The following ZNF423 variants were observed in gnomAD, a reference collection of about 807,000 sequenced individuals.
ZNF423 encodes the protein zinc finger protein 423, also known as Ebf-associated zinc finger protein.
Under a neutral mutation model 95.8 loss-of-function variants are expected in ZNF423, and 12 were observed. That is an observed-to-expected ratio of 0.13 (90% CI 0.08 to 0.20). The LOEUF is 0.20. ZNF423 is among the 10% of genes least tolerant of loss of function. The probability of loss-of-function intolerance (pLI) is 1.00; values close to 1 mark genes in which losing one functional copy is unlikely to be tolerated. For synonymous variants in ZNF423, 749 were observed against 711.9 expected, an observed-to-expected ratio of 1.05 and a Z score of -0.83; for missense variants, 1,316 against 1,737.1, an observed-to-expected ratio of 0.76 and a Z score of 4.31.
chr16:49,819,527 A>G (rs956206948), intron 1 of ZNF423, among the ~76,000 whole-genome samples: 2 of 151,874 alleles, frequency 1.3e-5, no homozygotes, highest in African/African-American at 4.8e-5. Context: ...AGCTCACTGC[A>G]ACCTCCGCCT....
chr16:49,628,859 C>T (rs1034819317), intron 4 of ZNF423, among the ~76,000 whole-genome samples: 6 of 152,210 alleles, frequency 3.9e-5, no homozygotes, highest in Non-Finnish European at 8.8e-5. Flanking sequence ...CACAACTAAT[C>T]CCAGATGGTT....
At chr16:49,808,213 T>C (rs1347849041) in intron 1 of ZNF423, among the ~76,000 whole-genome samples, 1 of 151,960 alleles carries the variant, frequency 6.6e-6, no homozygotes, top group Non-Finnish European at 1.5e-5. Context: ...AGATGTGCAC[T>C]ACCACACCTA....
rs966196683 is a variant in ZNF423, at chr16:49,687,036, G to A, written c.301+43735C>T. Among the ~76,000 whole-genome samples the A allele has an allele frequency of 2.0e-5, 3 of 151,888 alleles. 1 individual carries two copies. The highest frequency in any genetic ancestry group is 6.6e-5 in the Admixed American group (1 of 15,258). On this transcript the variant is annotated intron_variant, in intron 3 of 7. Transcript: ENST00000563137. ...AGGGTGTACAGAAGAACCAGATGGC[G>A]ACACCCCCTCCATGTCTGCCACCTC...
intron 1 of ZNF423, among the ~76,000 whole-genome samples, chr16:49,834,640 CT>C: frequency 6.6e-6 from 1 of 152,172 alleles, no homozygotes; most frequent in Admixed American, 6.5e-5. Context: ...CCTGGCAGGG[CT>C]TCCCAGGGGC....
chr16:49,569,234 A>T (rs1377870885), intron 5 of ZNF423, among the ~76,000 whole-genome samples: 2 of 152,186 alleles, frequency 1.3e-5, no homozygotes, highest in Non-Finnish European at 2.9e-5. Context: ...AGCCTGTCCT[A>T]TCACCTCACT....
At chr16:49,749,747 G>A (rs1410039311) in intron 2 of ZNF423, among the ~76,000 whole-genome samples, 1 of 151,064 alleles carries the variant, frequency 6.6e-6, no homozygotes, top group Non-Finnish European at 1.5e-5. Context: ...GAAATCACAC[G>A]GGTCCACAAC....
At chr16:49,617,892 C>T (rs1487172887) in intron 5 of ZNF423, among the ~76,000 whole-genome samples, 1 of 152,164 alleles carries the variant, frequency 6.6e-6, no homozygotes, top group Admixed American at 6.5e-5. Flanking sequence ...ACTTTTCACA[C>T]TGCACCCAAT....
At chr16:49,816,067 C>T (rs973770529) in intron 1 of ZNF423, among the ~76,000 whole-genome samples, 3 of 150,944 alleles carry the variant, frequency 2.0e-5, no homozygotes, top group African/African-American at 7.3e-5. Context: ...TACAAGCGCC[C>T]GCCACTACGC....
At chr16:49,755,386 C>G (rs1345857354) in intron 2 of ZNF423, among the ~76,000 whole-genome samples, 6 of 152,200 alleles carry the variant, frequency 3.9e-5, no homozygotes, top group African/African-American at 1.4e-4. Flanking sequence ...TTCCTCCAAA[C>G]CACCTTAATT....
intron 1 of ZNF423, among the ~76,000 whole-genome samples, chr16:49,815,224 T>C (rs182143470): frequency 5.3e-5 from 8 of 152,240 alleles, no homozygotes; most frequent in Non-Finnish European, 1.2e-4. Flanking sequence ...TTCTTATTAA[T>C]AACACTATTA....
At chr16:49,842,309 G>GAGGGGAGGGGAGGGGAGGGGAGGGA (rs1555489897) in intron 1 of ZNF423, among the ~76,000 whole-genome samples, 1 of 20,380 alleles carries the variant, frequency 4.9e-5, no homozygotes. Context: ...GAGGGGAGGC[G>GAGGGGAGGGGAGGGGAGGGGAGGGA]AGGGAAGGGA....
rs1972764389 is a variant in ZNF423, at chr16:49,637,272, A to G, written c.1904T>C (p.Ile635Thr). 6.2e-7 allele frequency: 1 copy of G among 1,614,020 alleles called. No individual in the cohort carries two copies. The highest frequency in any genetic ancestry group is 1.7e-5 in the Admixed American group (1 of 60,012). Residue 635 changes from isoleucine (I) to threonine (T), a missense_variant, in exon 4 of 8, where the codon ATC becomes ACC. Transcript: ENST00000563137. The surrounding 1 kb of genome is among the most constrained non-coding windows in gnomAD (Gnocchi z 5.6). ...ATTGCAAGGATACTCCCCATTGGAGATGGAGTTGGCGCTTGCTGAGAGCCG... is the reference window on the plus strand; with the variant it reads ...ATTGCAAGGATACTCCCCATTGGAGGTGGAGTTGGCGCTTGCTGAGAGCCG... ...RQRLSASANS[I>T]SNGEYPCNQC...
chr16:49,788,690 A>AG (rs1364853689), intron 2 of ZNF423, among the ~76,000 whole-genome samples: 1 of 152,186 alleles, frequency 6.6e-6, no homozygotes, highest in Non-Finnish European at 1.5e-5. Context: ...TCAGGATCCC[A>AG]GGGCAGGCCT....
chr16:49,627,805 C>G (rs1302090648), intron 4 of ZNF423, among the ~76,000 whole-genome samples: 1 of 147,238 alleles, frequency 6.8e-6, no homozygotes, highest in Non-Finnish European at 1.5e-5. Flanking sequence ...CACCCATCTA[C>G]CCAGTCATCC....
chr16:49,856,654 C>T (rs1179361299), upstream of ZNF423, among the ~76,000 whole-genome samples: 1 of 150,772 alleles, frequency 6.6e-6, no homozygotes, highest in East Asian at 2.0e-4. Context: ...GCTCTCGGAT[C>T]GGCCCGGCGC....
chr16:49,523,558 C>T (rs1269786278), intron 7 of ZNF423, 66 bp downstream of exon 7: 8 of 1,401,160 alleles, frequency 5.7e-6, no homozygotes, highest in Non-Finnish European at 7.1e-6. Context: ...AACCCTGAGA[C>T]CGTCGGTGCT....
At chr16:49,628,255 T>C (rs1972374861) in intron 4 of ZNF423, among the ~76,000 whole-genome samples, 1 of 149,048 alleles carries the variant, frequency 6.7e-6, no homozygotes, top group African/African-American at 2.5e-5. Context: ...CCATACTCCA[T>C]CTACCCATCC....
At chr16:49,677,505 T>G (rs1274018156) in intron 3 of ZNF423, among the ~76,000 whole-genome samples, 1 of 151,642 alleles carries the variant, frequency 6.6e-6, no homozygotes, top group African/African-American at 2.4e-5. Flanking sequence ...GAAAAGAATT[T>G]TGTTGCCAGG....
chr16:49,736,705 G>A (rs2143449242), intron 2 of ZNF423, among the ~76,000 whole-genome samples: 1 of 152,310 alleles, frequency 6.6e-6, no homozygotes, highest in African/African-American at 2.4e-5. Flanking sequence ...TGAAGCAGGA[G>A]GATCGTTTCA....
Sources: gnomAD v4.1 joint callset for allele counts (sites outside exome capture counted in the v4.1 genomes callset) on GRCh38, gnomAD v4.1.1 for gene constraint, Gnocchi (gnomAD v3.1) non-coding constraint, MANE v1.5 for transcripts, NCBI Gene and HGNC (gene_info 2026-07-23, HGNC 2026-07-21) for gene names.